ABCA6: variants seen among roughly 807,000 people sequenced by gnomAD.
The protein encoded by ABCA6 is ATP binding cassette subfamily A member 6, also known as ATP-binding cassette sub-family A member 6.
In ABCA6, 164 loss-of-function variants were observed where a neutral mutation model predicts 191.2. The ratio of observed to expected loss-of-function variants is 0.86; its 90% confidence interval spans 0.76 to 0.98. The LOEUF is 0.98. Ranked by LOEUF, ABCA6 falls within the 50% of genes least tolerant of loss-of-function variation. ABCA6 has a pLI of 0.00. For synonymous variants in ABCA6, 636 were observed against 647.7 expected (o/e 0.98, Z 0.27); for missense variants, 1,958 against 1,894.1 (o/e 1.03, Z -0.63).
At chr17:69,084,997 G>T (rs1347369067) in intron 32 of ABCA6, 31 bp downstream of exon 32, 1 of 1,570,782 alleles carries the variant, frequency 6.4e-7, no homozygotes, top group South Asian at 1.2e-5. Flanking sequence ...CCTGCATTCT[G>T]ACACAAAGGA....
intron 5 of ABCA6, 46 bp downstream of exon 5, chr17:69,134,593 G>T: frequency 7.2e-7 from 1 of 1,388,576 alleles, no homozygotes; most frequent in Non-Finnish European, 1.0e-6. Context: ...GAGGTCTCTG[G>T]AAGTAGCTGA....
At position 69,081,092 on chromosome 17, in the gene ABCA6, G is replaced by T; in HGVS notation, c.4670C>A (p.Ser1557Ter). 2 of 1,605,654 alleles carry T rather than the reference G, an allele frequency of 1.2e-6. No homozygotes were observed. The highest frequency in any genetic ancestry group is 1.1e-5 in the South Asian group (1 of 88,694). The part of the protein sequence containing the change: ...KLPVADVYPL[S>*]QTFHKLEAVK... ...TGCTTCTAATTTGTGAAAGGTCTGT[G>T]ATAGAGGGTAAACGTCTGCCACGGG... Residue 1557 changes from serine (S) to a stop codon, truncating the protein, a stop_gained, in exon 37 of 39, where the codon TCA (serine) becomes TAA (stop). Transcript: ENST00000284425. LOFTEE classifies it high-confidence loss of function.
At position 69,123,343 on chromosome 17, in the gene ABCA6, T is replaced by C. The variant is rs897064723; in HGVS notation, c.1332A>G (p.Gln444=). The change falls in exon 10 of 39, where the codon CAA becomes CAG. Residue 444 remains glutamine, a synonymous_variant. Coordinates refer to ENST00000284425, the MANE Select transcript of ABCA6 (RefSeq NM_080284.3). ...TCTCAATAACCTTAGCATTAGTCCT[T>C]TGGTGTTGGAAACAAGATGATGAAT... The part of the protein sequence containing the change: ...FLNSSSCFQH[Q]RTNAKVIEKE... 8.9e-6 allele frequency: 14 copies of C among 1,567,768 alleles called. No individual in the cohort carries two copies. In the African/African-American group the frequency reaches 1.5e-4, roughly 17 times the overall value.
At chr17:69,124,200 T>C (rs933247869) in intron 9 of ABCA6, among the ~76,000 whole-genome samples, 3 of 151,952 alleles carry the variant, frequency 2.0e-5, no homozygotes, top group Non-Finnish European at 4.4e-5. Flanking sequence ...ATTAAGGGCC[T>C]TCACATATCA....
chr17:69,129,350 T>G (rs565392669), intron 7 of ABCA6, among the ~76,000 whole-genome samples: 2 of 152,290 alleles, frequency 1.3e-5, no homozygotes, highest in South Asian at 4.1e-4. Flanking sequence ...CTTTGATATT[T>G]TAGAGTCAGC....
chr17:69,129,499 C>T, intron 7 of ABCA6, 111 bp downstream of exon 7: 2 of 911,662 alleles, frequency 2.2e-6, no homozygotes, highest in Non-Finnish European at 3.3e-6. Context: ...CACATGCACA[C>T]ACACAATGGA....
In ABCA6 at chr17:69,133,772, A is replaced by G. The variant is rs2073904702; in HGVS notation, c.660T>C (p.Asn220=). 6.2e-7 allele frequency: 1 copy of G among 1,608,972 alleles called. No homozygotes were observed. Among genetic ancestry groups the G allele is most frequent in the Non-Finnish European group, 8.5e-7 (1 of 1,175,602 alleles). ...GCAAGAAGAATAAAATAAACATCTC[A>G]TTGTGAAGAAGATTTTTAGTTATGA... The part of the protein sequence containing the change: ...LPFITKNLLH[N]EMFILFFLLH... Residue 220 remains asparagine (N), a synonymous_variant, in exon 6 of 39, where the codon AAT becomes AAC. Coordinates refer to ENST00000284425, the MANE Select transcript of ABCA6 (RefSeq NM_080284.3).
chr17:69,100,742 CAT>C (rs1285543217), intron 22 of ABCA6, 53 bp downstream of exon 22: 2 of 1,487,398 alleles, frequency 1.3e-6, no homozygotes, highest in African/African-American at 2.9e-5. Flanking sequence ...AGAGAGAAAA[CAT>C]AGGCTATTTG....
intron 1 of ABCA6, among the ~76,000 whole-genome samples, chr17:69,141,508 A>G (rs907523885): frequency 1.3e-5 from 2 of 152,214 alleles, no homozygotes; most frequent in East Asian, 3.9e-4. Context: ...ATATTTTTAC[A>G]TCAAAATATT....
chr17:69,113,141 G>T, intron 15 of ABCA6, 81 bp downstream of exon 15: 1 of 1,487,488 alleles, frequency 6.7e-7, no homozygotes, highest in East Asian at 2.4e-5. Context: ...AATGAGAGCA[G>T]GGCTCTTACC....
intron 29 of ABCA6, among the ~76,000 whole-genome samples, chr17:69,087,143 A>G (rs2072816885): frequency 6.6e-6 from 1 of 152,212 alleles, no homozygotes; most frequent in Non-Finnish European, 1.5e-5. Context: ...AATTAAAACC[A>G]TTAGGTTTTG....
In ABCA6 at chr17:69,084,288, A is replaced by G. The variant is rs370375475; in HGVS notation, c.4328T>C (p.Ile1443Thr). ...VLLLDEPSTG[I>T]DPTGQQQMWQ... The stretch of plus-strand genomic sequence containing the variant: ...CATTTGCTGCTGCCCTGTGGGGTCT[A>G]TGCCCGTAGATGGTTCATCCAGGAG... Residue 1443 changes from isoleucine (I) to threonine (T), a missense_variant, in exon 34 of 39, where the codon ATA becomes ACA. Physicochemically the swap from Ile to Thr is moderately conservative, Grantham distance 89. Transcript: ENST00000284425. 67 of 1,614,024 alleles carry G rather than the reference A, an allele frequency of 4.2e-5. No homozygotes were observed. Among genetic ancestry groups the G allele is most frequent in the Non-Finnish European group, 5.7e-5 (67 of 1,180,018 alleles).
At chr17:69,129,950 C>T (rs2073832758) in intron 6 of ABCA6, among the ~76,000 whole-genome samples, 199 bp from the exon 7 acceptor site, 1 of 152,116 alleles carries the variant, frequency 6.6e-6, no homozygotes, top group Non-Finnish European at 1.5e-5. Context: ...TGCCATTCAT[C>T]TTCGTTACCT....
chr17:69,113,859 A>G (rs2073482911), intron 13 of ABCA6, 122 bp from the exon 14 acceptor site: 1 of 694,150 alleles, frequency 1.4e-6, no homozygotes, highest in South Asian at 1.8e-5. Flanking sequence ...CAAAACCACA[A>G]TGAGATATCA....
At chr17:69,126,166 G>A (rs2073749746) in intron 8 of ABCA6, among the ~76,000 whole-genome samples, 1 of 152,028 alleles carries the variant, frequency 6.6e-6, no homozygotes, top group South Asian at 2.1e-4. Flanking sequence ...AAAATATTGG[G>A]TTTAGTAAGA....
Position 69,088,180 on chromosome 17 carries a change from C to A in ABCA6, c.3685G>T (p.Asp1229Tyr), listed in dbSNP as rs745429415. 25 of 1,611,006 alleles carry A rather than the reference C, an allele frequency of 1.6e-5. No homozygotes were observed. Among genetic ancestry groups the A allele is most frequent in the African/African-American group, 2.7e-5 (2 of 74,816 alleles). The change falls in exon 28 of 39, where the codon GAT (aspartate) becomes TAT (tyrosine). Residue 1229 changes from aspartate (D) to tyrosine (Y), a missense_variant. Physicochemically the swap from Asp to Tyr is radical, Grantham distance 160. Transcript: ENST00000284425. ...LKCGKKRMRK[D>Y]PVFRISPQSR... ...TTTCACCCCAACCTGAAAACAGGAT[C>A]TTTTCGCATTCTTTTCTTTCCACAT...
intron 36 of ABCA6, among the ~76,000 whole-genome samples, chr17:69,082,597 A>G (rs547139013): frequency 9.8e-5 from 15 of 152,324 alleles, no homozygotes; most frequent in Non-Finnish European, 2.1e-4. Context: ...GGTTTGAGTC[A>G]TTAGAAGTTC....
At chr17:69,128,871 CCAAT>C in intron 7 of ABCA6, 67 bp from the exon 8 acceptor site, 3 of 1,261,584 alleles carry the variant, frequency 2.4e-6, no homozygotes, top group Non-Finnish European at 3.3e-6. Flanking sequence ...CATTGGCAGC[CCAAT>C]CAAATAAGGA....
In ABCA6 at chr17:69,140,711, AT is replaced by A. The variant is rs1435792155; in HGVS notation, c.-9del. Reference sequence around the variant, plus strand: ...TTTCTGTTTCATATTCATTTAGCCTATTCGCTGAAGGAGAAAGTAATCATGG... The same window carrying A: ...TTTCTGTTTCATATTCATTTAGCCTATCGCTGAAGGAGAAAGTAATCATGG... On this transcript the variant is annotated 5_prime_UTR_variant, in exon 2 of 39. The change abolishes the stop of an existing upstream ORF in the 5' untranslated region. Transcript: ENST00000284425. The A allele has an allele frequency of 6.5e-7, 1 of 1,549,654 alleles. No individual in the cohort carries two copies. Among genetic ancestry groups the A allele is most frequent in the Non-Finnish European group, 8.7e-7 (1 of 1,147,546 alleles).
Sources: allele counts gnomAD v4.1 joint callset (sites outside exome capture counted in the v4.1 genomes callset), GRCh38; gene constraint gnomAD v4.1.1; transcripts MANE v1.5; gene names NCBI Gene and HGNC (gene_info 2026-07-23, HGNC 2026-07-21).